The following GNL3L variants were observed in gnomAD, a reference collection of about 807,000 sequenced individuals.
GNL3L encodes G protein nucleolar 3 like.
In GNL3L, 4 loss-of-function variants were observed where a neutral mutation model predicts 42.9. The ratio of observed to expected loss-of-function variants is 0.09; its 90% CI spans 0.05 to 0.21. GNL3L has a LOEUF of 0.21. Among genes scored for constraint, GNL3L ranks in the 10% least tolerant of loss-of-function variants. GNL3L has a pLI of 1.00. For missense variants in GNL3L, 412 were observed against 481.7 expected (o/e 0.86, Z 1.36); for synonymous variants, 159 against 176.3 (o/e 0.90, Z 0.78).
At chrX:54,535,344 C>T (rs1924388085) in intron 2 of GNL3L, among the ~76,000 whole-genome samples, 1 of 111,079 alleles carries the variant, frequency 9.0e-6, no homozygotes, top group Non-Finnish European at 1.9e-5. Context: ...GTCTCGAACT[C>T]CTGACCTAGT....
intron 8 of GNL3L, among the ~76,000 whole-genome samples, chrX:54,546,754 C>T (rs148985545): frequency 3.2e-3 from 360 of 111,075 alleles, no homozygotes; most frequent in African/African-American, 0.011. Context: ...TCAAGTGATT[C>T]TCCTCCCTCA....
chrX:54,535,401 G>C (rs1027198975), intron 2 of GNL3L, among the ~76,000 whole-genome samples: 1 of 111,621 alleles, frequency 9.0e-6, no homozygotes, highest in Admixed American at 9.5e-5. Context: ...ACAGGTGTGA[G>C]CCACCGTGCA....
chrX:54,630,708 T>TCCTTCCTTCC, the GNL3L span, among the ~76,000 whole-genome samples: 7 of 58,653 alleles, frequency 1.2e-4, no homozygotes, highest in East Asian at 5.2e-4. Context: ...CTTTCTTTCT[T>TCCTTCCTTCC]TTTCTTTCTT....
At position 54,562,997 on chromosome X, in the gene GNL3L, T is replaced by G. The variant is rs1192894122; in HGVS notation, c.*2395T>G. 9.0e-6 allele frequency among the ~76,000 whole-genome samples: 1 copy of G among 111,082 alleles called. No homozygotes were observed. Among genetic ancestry groups the G allele is most frequent in the Non-Finnish European group, 1.9e-5 (1 of 53,145 alleles). On this transcript the variant is annotated 3_prime_UTR_variant, in exon 16 of 16. Coordinates refer to ENST00000360845, the MANE Select transcript of GNL3L (RefSeq NM_001184819.2). ...CAAGTCCGTTAAATGCATTTAACGT[T>G]AAATTTTTTCTTTTTTGGTTTAAAA...
the GNL3L span, among the ~76,000 whole-genome samples, chrX:54,640,110 A>T: frequency 9.0e-6 from 1 of 111,158 alleles, no homozygotes; most frequent in Non-Finnish European, 1.9e-5. Context: ...GAAACTGTTT[A>T]TTTTTGTATC....
intron 16 of GNL3L, among the ~76,000 whole-genome samples, chrX:54,604,128 G>A (rs181329303): frequency 3.6e-5 from 4 of 111,007 alleles, no homozygotes; most frequent in Admixed American, 9.6e-5. Flanking sequence ...GACAGAGTAA[G>A]ACCACCTCTC....
At chrX:54,573,549 CT>C (rs1191111220) in intron 16 of GNL3L, among the ~76,000 whole-genome samples, 1 of 110,137 alleles carries the variant, frequency 9.1e-6, no homozygotes, top group Admixed American at 9.6e-5. Flanking sequence ...CTCTTTTTTT[CT>C]TTTCTTTGAG....
chrX:54,600,206 CTTTTTTTTTTTTTTTTT>C (rs1172527598), intron 16 of GNL3L, among the ~76,000 whole-genome samples: 11 of 13,401 alleles, frequency 8.2e-4, no homozygotes, highest in East Asian at 7.3e-3. Flanking sequence ...CAATCTGCTG[CTTTTTTTTTTTTTTTTT>C]TTTTTTTTTT....
In GNL3L at chrX:54,558,630, TA is replaced by T; in HGVS notation, c.1643del (p.Lys548ArgfsTer19). On this transcript the variant is annotated frameshift_variant, in exon 15 of 16. Coordinates refer to ENST00000360845, the MANE Select transcript of GNL3L (RefSeq NM_001184819.2). LOFTEE classifies it high-confidence loss of function. The part of the protein sequence containing the change: ...GQALASALKN[K>X]KKMQKRADKI... The stretch of plus-strand genomic sequence containing the variant: ...AGGCTCTGGCATCTGCCCTGAAAAA[TA>T]AGAAGAAGATGCAGAAACGTGCAGG... 8.3e-7 allele frequency: 1 copy of T among 1,204,767 alleles called. No individual in the cohort carries two copies. The highest frequency in any genetic ancestry group is 1.1e-6 in the Non-Finnish European group (1 of 891,087).
Position 54,548,162 on chromosome X carries a change from G to A in GNL3L, c.631-67G>A, listed in dbSNP as rs191292104. 1.6e-3 allele frequency: 1,570 copies of A among 961,934 alleles called. 20 individuals are homozygous for A. The African/African-American group carries it at 0.027, about 17-fold the overall frequency. The allele number at this position is 961,934 out of a possible 1,213,427, so 79.3% of individuals were successfully genotyped here. Reference sequence around the variant, plus strand: ...GATCATAGGGAGGCCCTGAAAGTTGGAAATCTGGGCTCAGACCTCATCTGC... The same window carrying A: ...GATCATAGGGAGGCCCTGAAAGTTGAAAATCTGGGCTCAGACCTCATCTGC... On this transcript the variant is annotated intron_variant, in intron 8 of 15. Coordinates refer to ENST00000360845, the MANE Select transcript of GNL3L (RefSeq NM_001184819.2).
chrX:54,556,243 A>G (rs1177327981), intron 14 of GNL3L, among the ~76,000 whole-genome samples: 6 of 111,226 alleles, frequency 5.4e-5, no homozygotes, highest in Non-Finnish European at 1.1e-4. Flanking sequence ...GACTCAGGAA[A>G]CTTACAATCA....
At chrX:54,629,562 T>G in the GNL3L span, among the ~76,000 whole-genome samples, 2 of 112,311 alleles carry the variant, frequency 1.8e-5, no homozygotes, top group Non-Finnish European at 3.8e-5. Context: ...TGTATTACAT[T>G]TATTGACTTG....
At chrX:54,620,286 C>G (rs763859056) in intron 16 of GNL3L, among the ~76,000 whole-genome samples, 1 of 111,262 alleles carries the variant, frequency 9.0e-6, no homozygotes, top group East Asian at 2.8e-4. Flanking sequence ...CCCCCGCACC[C>G]CCATTACCCT....
chrX:54,545,219 C>T (rs1924738509), intron 8 of GNL3L, among the ~76,000 whole-genome samples: 1 of 110,327 alleles, frequency 9.1e-6, no homozygotes, highest in African/African-American at 3.3e-5. Context: ...CCCGGTCTAA[C>T]TTTATTTTTT....
rs1601979388 is a variant in GNL3L at position 54,543,438 on chromosome X, T to A, written c.526+96T>A. 4 of 872,344 alleles carry A rather than the reference T, an allele frequency of 4.6e-6. No individual in the cohort carries two copies. The East Asian group carries it at 1.3e-4, about 28-fold the overall frequency. 71.9% of individuals were successfully genotyped at this position (872,344 alleles called of 1,213,427 possible). ...GACACTGAACCCAGCAACTCAGTGATACTCATAATAGTCATGCAAAGTAGA... is the reference window on the plus strand; with the variant it reads ...GACACTGAACCCAGCAACTCAGTGAAACTCATAATAGTCATGCAAAGTAGA... On this transcript the variant is annotated intron_variant, in intron 7 of 15. Transcript: ENST00000360845.
chrX:54,588,110 G>A (rs1282199699), intron 16 of GNL3L, among the ~76,000 whole-genome samples: 5 of 112,012 alleles, frequency 4.5e-5, no homozygotes, highest in African/African-American at 1.3e-4. Flanking sequence ...AGATATTTTG[G>A]TAGCTATTTT....
At chrX:54,605,326 G>A (rs1230447804) in intron 16 of GNL3L, among the ~76,000 whole-genome samples, 1 of 111,580 alleles carries the variant, frequency 9.0e-6, no homozygotes, top group Non-Finnish European at 1.9e-5. Context: ...CCTAATCTCT[G>A]TCCTGTATAC....
intron 16 of GNL3L, among the ~76,000 whole-genome samples, chrX:54,589,239 A>G (rs1420771446): frequency 1.8e-5 from 2 of 111,629 alleles, no homozygotes; most frequent in South Asian, 7.6e-4. Flanking sequence ...TAGACGGAAA[A>G]ATAGTCTATT....
At chrX:54,644,287 G>GT in the GNL3L span, among the ~76,000 whole-genome samples, 1 of 111,449 alleles carries the variant, frequency 9.0e-6, no homozygotes, top group Non-Finnish European at 1.9e-5. Context: ...GTTATTTTTT[G>GT]TCCTTTTGAG....
Sources: allele counts gnomAD v4.1 joint callset (sites outside exome capture counted in the v4.1 genomes callset), GRCh38; gene constraint gnomAD v4.1.1; transcripts MANE v1.5; gene names NCBI Gene and HGNC (gene_info 2026-07-23, HGNC 2026-07-21).